SMAD3: variants seen among roughly 807,000 people sequenced by gnomAD.
SMAD3 encodes the protein MAD homolog 3.
Under a neutral mutation model 51.8 loss-of-function variants are expected in SMAD3, and 12 were observed. That is an observed-to-expected ratio of 0.23 (90% confidence interval 0.15 to 0.38). The LOEUF (loss-of-function observed/expected upper bound fraction) is 0.38. Ranked by LOEUF, SMAD3 falls within the 10% of genes least tolerant of loss-of-function variation. The probability of loss-of-function intolerance (pLI) is 1.00; values close to 1 mark genes in which losing one functional copy is unlikely to be tolerated. For missense variants in SMAD3, 294 were observed against 565.6 expected (o/e 0.52, Z 4.87); for synonymous variants, 238 against 227.7 (o/e 1.05, Z -0.41).
chr15:67,183,525 G>GAGGA (rs1442213763), intron 6 of SMAD3, among the ~76,000 whole-genome samples: 1 of 152,128 alleles, frequency 6.6e-6, no homozygotes, highest in Non-Finnish European at 1.5e-5. Context: ...GGAGTGGTTG[G>GAGGA]AGGAAGGGGA....
At chr15:67,066,490 TG>T in intron 1 of SMAD3, 130 bp downstream of exon 1, 1 of 753,694 alleles carries the variant, frequency 1.3e-6, no homozygotes, top group Non-Finnish European at 2.2e-6. Context: ...TGGGTGCGTG[TG>T]TGTGAGAGTG....
intron 1 of SMAD3, among the ~76,000 whole-genome samples, chr15:67,119,955 C>G (rs750816787): frequency 2.6e-5 from 4 of 152,168 alleles, no homozygotes; most frequent in Admixed American, 6.5e-5. Flanking sequence ...CGCTACCACG[C>G]CTGGCTATTT....
chr15:67,166,643 C>T (rs1319225600), intron 3 of SMAD3, 136 bp from the exon 4 acceptor site: 1 of 716,352 alleles, frequency 1.4e-6, no homozygotes, highest in Non-Finnish European at 2.6e-6. Flanking sequence ...GAGCTGGAAC[C>T]TCTACTCCAA....
rs577468984 is a variant in SMAD3 at position 67,091,450 on chromosome 15, C to T, written c.206+25090C>T. Among the ~76,000 whole-genome samples the T allele has an allele frequency of 7.9e-5, 12 of 152,342 alleles. No homozygotes were observed. In the South Asian group the frequency reaches 1.2e-3, roughly 16 times the overall value. ...CTCTTCAACCAGTGAGTCACTCACC[C>T]CCAGATAACCACCCGGTACTTTCAG... On this transcript the variant is annotated intron_variant, in intron 1 of 8. Coordinates refer to ENST00000327367, the MANE Select transcript of SMAD3 (RefSeq NM_005902.4).
chr15:67,116,900 G>A (rs944674844), intron 1 of SMAD3, among the ~76,000 whole-genome samples: 3 of 152,122 alleles, frequency 2.0e-5, no homozygotes, highest in African/African-American at 7.2e-5. Flanking sequence ...AAGAGCAAAG[G>A]TCAGGAGGTG....
At chr15:67,145,440 A>C (rs749772) in intron 1 of SMAD3, among the ~76,000 whole-genome samples, 1 of 152,350 alleles carries the variant, frequency 6.6e-6, no homozygotes, top group Non-Finnish European at 1.5e-5. Flanking sequence ...TTAAAAAACA[A>C]AAACAAAAAA....
intron 1 of SMAD3, among the ~76,000 whole-genome samples, chr15:67,129,357 C>G (rs896194879): frequency 6.6e-6 from 1 of 152,104 alleles, no homozygotes; most frequent in Non-Finnish European, 1.5e-5. Flanking sequence ...TTGGTTTTGC[C>G]TTATGAGGTT....
chr15:67,098,878 G>A (rs1225150015), intron 1 of SMAD3: 2 of 702,092 alleles, frequency 2.8e-6, no homozygotes, highest in East Asian at 2.7e-5. Flanking sequence ...ACATGGATGG[G>A]AGGGTGGACT....
chr15:67,079,918 C>G (rs1254635603), intron 1 of SMAD3, among the ~76,000 whole-genome samples: 1 of 152,206 alleles, frequency 6.6e-6, no homozygotes, highest in Non-Finnish European at 1.5e-5. Flanking sequence ...TGCTTTAAGT[C>G]TCAGGCTAAG....
At chr15:67,145,357 G>T (rs1037492562) in intron 1 of SMAD3, among the ~76,000 whole-genome samples, 2 of 152,120 alleles carry the variant, frequency 1.3e-5, no homozygotes, top group Non-Finnish European at 2.9e-5. Context: ...TTTGAAGAAG[G>T]CTTGGCAAAA....
chr15:67,076,561 A>G (rs1276837857), intron 1 of SMAD3, among the ~76,000 whole-genome samples: 1 of 152,150 alleles, frequency 6.6e-6, no homozygotes. Context: ...ATGGCTCTGA[A>G]ATGACCCAGA....
At chr15:67,168,617 G>C (rs886949178) in intron 4 of SMAD3, among the ~76,000 whole-genome samples, 14 of 152,210 alleles carry the variant, frequency 9.2e-5, no homozygotes, top group African/African-American at 2.4e-4. Context: ...GGAAAGAGCA[G>C]CCCAGATTTC....
intron 1 of SMAD3, among the ~76,000 whole-genome samples, chr15:67,104,211 G>A (rs1247264334): frequency 6.6e-6 from 1 of 152,000 alleles, no homozygotes; most frequent in African/African-American, 2.4e-5. Context: ...TTCAACTTCT[G>A]TAATCCCTGC....
At chr15:67,072,018 A>G (rs76246800) in intron 1 of SMAD3, among the ~76,000 whole-genome samples, 8,649 of 152,256 alleles carry the variant, frequency 0.057, 332 homozygotes, top group East Asian at 0.15. Flanking sequence ...TTAAATGACA[A>G]TTTTAATAAC....
chr15:67,096,794 T>C (rs1317816023), intron 1 of SMAD3, among the ~76,000 whole-genome samples: 8 of 152,194 alleles, frequency 5.3e-5, no homozygotes, highest in Non-Finnish European at 2.9e-5. Flanking sequence ...TCTGCTCACA[T>C]TGTCTCCTGG....
intron 1 of SMAD3, among the ~76,000 whole-genome samples, chr15:67,095,098 G>A (rs1220665070): frequency 6.6e-6 from 1 of 152,168 alleles, no homozygotes; most frequent in Non-Finnish European, 1.5e-5. Context: ...TAAATGGTTG[G>A]TTGGTCCCTT....
chr15:67,176,589 G>C (rs918320274), intron 5 of SMAD3, among the ~76,000 whole-genome samples: 1 of 152,144 alleles, frequency 6.6e-6, no homozygotes, highest in African/African-American at 2.4e-5. Context: ...GTTTTTAATA[G>C]GCATCCCTTA....
intron 1 of SMAD3, among the ~76,000 whole-genome samples, chr15:67,067,196 C>A (rs1959944732): frequency 6.6e-6 from 1 of 152,124 alleles, no homozygotes; most frequent in African/African-American, 2.4e-5. Context: ...TCGCATCGGC[C>A]CTCGCATTCC....
At chr15:67,183,688 A>G (rs1963145481) in intron 6 of SMAD3, among the ~76,000 whole-genome samples, 1 of 152,234 alleles carries the variant, frequency 6.6e-6, no homozygotes, top group Non-Finnish European at 1.5e-5. Flanking sequence ...AGACTTTGCC[A>G]TGCAGGAGAA....
Sources: allele counts gnomAD v4.1 joint callset (sites outside exome capture counted in the v4.1 genomes callset), GRCh38; gene constraint gnomAD v4.1.1; transcripts MANE v1.5; gene names NCBI Gene and HGNC (gene_info 2026-07-23, HGNC 2026-07-21).